PCDH15: variants seen among roughly 807,000 people sequenced by gnomAD.
PCDH15 encodes protocadherin related 15, also known as protocadherin-15.
A neutral mutation model predicts 178.5 loss-of-function variants in PCDH15; 129 were observed. The ratio of observed to expected loss-of-function variants is 0.72; its 90% CI spans 0.63 to 0.84. The LOEUF (loss-of-function observed/expected upper bound fraction) is 0.84, where lower values mean the gene tolerates loss of function less well. PCDH15 is among the 40% of genes least tolerant of loss of function. PCDH15 has a pLI of 0.00. For synonymous variants in PCDH15, 800 were observed against 732.0 expected (o/e 1.09, Z -1.50); for missense variants, 2,230 against 2,099.9 (o/e 1.06, Z -1.21).
At chr10:55,412,949 T>A (rs1282748631) in intron 2 of PCDH15, among the ~76,000 whole-genome samples, 1 of 151,046 alleles carries the variant, frequency 6.6e-6, no homozygotes, top group Non-Finnish European at 1.5e-5. Flanking sequence ...TGTGTCTGTA[T>A]AATTGAAAGA....
intron 2 of PCDH15, among the ~76,000 whole-genome samples, chr10:54,929,965 G>C (rs1420645672): frequency 6.6e-6 from 1 of 152,132 alleles, no homozygotes; most frequent in African/African-American, 2.4e-5. Flanking sequence ...TTTTTAATGA[G>C]AAGTAGTCCC....
chr10:54,825,353 T>A (rs1002934444), intron 3 of PCDH15, among the ~76,000 whole-genome samples: 1 of 147,758 alleles, frequency 6.8e-6, no homozygotes, highest in Non-Finnish European at 1.5e-5. Flanking sequence ...TGTGTCTTTA[T>A]AGCAGCATGA....
chr10:54,773,927 C>A (rs1811342929), intron 1 of PCDH15, among the ~76,000 whole-genome samples: 1 of 147,888 alleles, frequency 6.8e-6, no homozygotes, highest in African/African-American at 2.5e-5. Context: ...CAATTCTTAT[C>A]TCTGACAATC....
At chr10:54,972,555 A>G (rs1036180221) in intron 2 of PCDH15, among the ~76,000 whole-genome samples, 1 of 151,304 alleles carries the variant, frequency 6.6e-6, no homozygotes, top group African/African-American at 2.4e-5. Flanking sequence ...AGATTAAAAA[A>G]AGAAAAATTC....
intron 18 of PCDH15, among the ~76,000 whole-genome samples, chr10:54,045,848 T>TA (rs1043195464): frequency 2.0e-4 from 31 of 152,202 alleles, no homozygotes; most frequent in African/African-American, 7.2e-4. Context: ...TTGATAATCT[T>TA]AAAATTTAAA....
At chr10:53,983,274 T>C (rs1304353309) in intron 21 of PCDH15, among the ~76,000 whole-genome samples, 1 of 151,512 alleles carries the variant, frequency 6.6e-6, no homozygotes, top group Non-Finnish European at 1.5e-5. Context: ...ACACAAAATA[T>C]ATATATACGT....
intron 15 of PCDH15, among the ~76,000 whole-genome samples, 164 bp downstream of exon 15, chr10:54,132,711 C>G (rs919278796): frequency 6.6e-6 from 1 of 152,166 alleles, no homozygotes; most frequent in African/African-American, 2.4e-5. Flanking sequence ...AACCCTCCAT[C>G]CATATTACCC....
At chr10:55,022,566 T>G (rs1458588428) in intron 2 of PCDH15, among the ~76,000 whole-genome samples, 3 of 152,212 alleles carry the variant, frequency 2.0e-5, no homozygotes, top group Admixed American at 2.0e-4. Context: ...AAATATATGT[T>G]TACTTCAACA....
At chr10:54,600,952 T>A (rs1450573468) in intron 2 of PCDH15, among the ~76,000 whole-genome samples, 1 of 152,010 alleles carries the variant, frequency 6.6e-6, no homozygotes, top group Non-Finnish European at 1.5e-5. Flanking sequence ...TCTTGAGATG[T>A]ATTATGTAAA....
intron 3 of PCDH15, among the ~76,000 whole-genome samples, chr10:54,834,914 C>T (rs1385760868): frequency 6.6e-6 from 1 of 152,170 alleles, no homozygotes; most frequent in Non-Finnish European, 1.5e-5. Context: ...GCTGATACAG[C>T]ACCCATTGTA....
At chr10:54,026,764 A>G (rs1050968714) in intron 18 of PCDH15, among the ~76,000 whole-genome samples, 3 of 152,194 alleles carry the variant, frequency 2.0e-5, no homozygotes, top group Admixed American at 1.3e-4. Flanking sequence ...AACTCTCAAT[A>G]AATTAGGTAT....
intron 2 of PCDH15, among the ~76,000 whole-genome samples, chr10:55,378,014 A>G (rs1837440720): frequency 6.6e-6 from 1 of 152,134 alleles, no homozygotes; most frequent in Non-Finnish European, 1.5e-5. Flanking sequence ...CAATGAGAAC[A>G]CATGGACACA....
At position 53,975,345 on chromosome 10, in the gene PCDH15, T is replaced by C. The variant is rs192292828; in HGVS notation, c.2869-13453A>G. The stretch of plus-strand genomic sequence containing the variant: ...AATGATGATTCCATTTTAGGTTAAT[T>C]GAGAAATCTCCAAACTGCTTTCCAC... On this transcript the variant is annotated intron_variant, in intron 21 of 37. Transcript: ENST00000644397. Among the ~76,000 whole-genome samples, 30 of 152,320 alleles carry C rather than the reference T, an allele frequency of 2.0e-4. No individual in the cohort carries two copies. In the East Asian group the frequency reaches 5.8e-3, roughly 29 times the overall value.
intron 2 of PCDH15, among the ~76,000 whole-genome samples, chr10:55,458,913 T>C (rs1273169789): frequency 6.6e-6 from 1 of 151,920 alleles, no homozygotes; most frequent in Admixed American, 6.6e-5. Flanking sequence ...ACTCAAAAAG[T>C]TTATAACTAT....
chr10:54,107,331 A>G (rs2094933606), intron 15 of PCDH15, among the ~76,000 whole-genome samples: 2 of 152,024 alleles, frequency 1.3e-5, no homozygotes, highest in Non-Finnish European at 2.9e-5. Context: ...TTCCTTCCTG[A>G]TTTTCTTCTT....
chr10:54,991,636 C>A (rs1357420136), intron 2 of PCDH15, among the ~76,000 whole-genome samples: 1 of 152,088 alleles, frequency 6.6e-6, no homozygotes, highest in Non-Finnish European at 1.5e-5. Context: ...ACCTCAGGCA[C>A]TTTTCATTTA....
Position 53,822,439 on chromosome 10 carries a change from CAGGAGCAGG to C in PCDH15, c.4368-2218_4368-2210del, listed in dbSNP as rs373916538. On this transcript the variant is annotated intron_variant, in intron 32 of 37. Coordinates refer to ENST00000644397, the MANE Select transcript of PCDH15 (RefSeq NM_001384140.1). ...ATGTCAGGAGGAGGAGCAAGAGGAG[CAGGAGCAGG>C]AGGAGGAGAAGGAGGAGAAATAGGA... is the stretch of plus-strand genomic sequence containing the variant. The C allele has an allele frequency of 2.2e-4, 349 of 1,587,340 alleles. No homozygotes were observed. The African/African-American group carries it at 3.7e-3, about 17-fold the overall frequency.
At chr10:54,120,899 A>G (rs1406694277) in intron 15 of PCDH15, among the ~76,000 whole-genome samples, 1 of 152,120 alleles carries the variant, frequency 6.6e-6, no homozygotes, top group Non-Finnish European at 1.5e-5. Context: ...GAAAACTAAC[A>G]AAGAAATTCT....
intron 1 of PCDH15, among the ~76,000 whole-genome samples, chr10:55,213,465 A>G (rs1429614120): frequency 6.6e-6 from 1 of 152,012 alleles, no homozygotes; most frequent in Non-Finnish European, 1.5e-5. Context: ...CAAGTCACCA[A>G]TTCAATTTTG....
Sources: allele counts gnomAD v4.1 joint callset (sites outside exome capture counted in the v4.1 genomes callset), GRCh38; gene constraint gnomAD v4.1.1; transcripts MANE v1.5; gene names NCBI Gene and HGNC (gene_info 2026-07-23, HGNC 2026-07-21).